The following KHDC4 variants were observed in gnomAD, a reference collection of about 807,000 sequenced individuals.
KHDC4 encodes the protein KH domain containing 4, pre-mRNA splicing factor.
In KHDC4, 19 loss-of-function variants were observed where a neutral mutation model predicts 74.5. The ratio of observed to expected loss-of-function variants is 0.26; its 90% CI spans 0.18 to 0.37. The LOEUF is 0.37. Among genes scored for constraint, KHDC4 ranks in the 10% least tolerant of loss-of-function variants. KHDC4 has a pLI of 1.00. For synonymous variants in KHDC4, 253 were observed against 266.1 expected, an observed-to-expected ratio of 0.95 and a Z score of 0.48; for missense variants, 632 against 754.1, an observed-to-expected ratio of 0.84 and a Z score of 1.90.
intron 1 of KHDC4, among the ~76,000 whole-genome samples, 166 bp from the exon 2 acceptor site, chr1:155,934,015 T>A (rs766217129): frequency 6.6e-6 from 1 of 152,124 alleles, no homozygotes; most frequent in Non-Finnish European, 1.5e-5. Context: ...ATTGCTTATT[T>A]AACAAACCCC....
chr1:155,914,067 A>G lies in KHDC4; in HGVS notation c.*54T>C, dbSNP rs1673680888. 2 of 1,426,924 alleles carry G rather than the reference A, an allele frequency of 1.4e-6. No individual in the cohort carries two copies. The highest frequency in any genetic ancestry group is 2.0e-6 in the Non-Finnish European group (2 of 1,009,604). The allele number at this position is 1,426,924 out of a possible 1,614,324, so 88.4% of individuals were successfully genotyped here. ...CCCAGAGTCTTGTTAAATCAAATGC[A>G]TGCATTATTGCTAAGAAGAGTCACT... is the stretch of plus-strand genomic sequence containing the variant. On this transcript the variant is annotated 3_prime_UTR_variant, in exon 14 of 14. Transcript: ENST00000368321.
In KHDC4 at chr1:155,927,106, T is replaced by A; in HGVS notation, c.515A>T (p.Asp172Val). The change falls in exon 5 of 14, where the codon GAC becomes GTC. Residue 172 changes from aspartate to valine, a missense_variant and splice_region_variant. Transcript: ENST00000368321. ...HVQGQTRELV[D>V]RAVNRIKEII... is the part of the protein sequence containing the mutation. ...CGTGAGCCAAAAACATTACTTACTG[T>A]CCACTAATTCCCGTGTCTGGCCCTG... 6.2e-7 allele frequency: 1 copy of A among 1,613,706 alleles called. No individual in the cohort carries two copies. The highest frequency in any genetic ancestry group is 2.2e-5 in the East Asian group (1 of 44,874).
At position 155,921,934 on chromosome 1, in the gene KHDC4, A is replaced by G; in HGVS notation, c.955-16T>C. 6.4e-7 allele frequency: 1 copy of G among 1,572,908 alleles called. No homozygotes were observed. On this transcript the variant is annotated splice_polypyrimidine_tract_variant and intron_variant, in intron 8 of 13. Coordinates refer to ENST00000368321, the MANE Select transcript of KHDC4 (RefSeq NM_014949.4). ...CAGCATGAACCTGAAAGAGAGGGGG[A>G]AACAAATTAACATGGGACAGCCGAA...
intron 4 of KHDC4, 138 bp from the exon 5 acceptor site, chr1:155,927,294 G>T: frequency 1.6e-6 from 1 of 627,884 alleles, no homozygotes; most frequent in Non-Finnish European, 2.8e-6. Context: ...AAGGGTTTTT[G>T]CTAGCTAATG....
intron 2 of KHDC4, among the ~76,000 whole-genome samples, chr1:155,930,769 T>C (rs763619157): frequency 3.9e-5 from 6 of 152,172 alleles, no homozygotes; most frequent in Non-Finnish European, 7.3e-5. Context: ...AGTAAGATGG[T>C]AAAACCTGAT....
intron 4 of KHDC4, among the ~76,000 whole-genome samples, chr1:155,928,907 A>G (rs571539456): frequency 1.3e-5 from 2 of 150,218 alleles, no homozygotes; most frequent in Admixed American, 6.7e-5. Flanking sequence ...AGCCGAGATC[A>G]CGCCACTGCA....
rs774735259 is a variant in KHDC4 at position 155,934,382 on chromosome 1, C to A, written c.-9G>T. ...GCGCTCCCCGCGGACATGGCGACCGCTTCTACTCAACCACCCGCCAACTAT... is the reference window on the plus strand; with the variant it reads ...GCGCTCCCCGCGGACATGGCGACCGATTCTACTCAACCACCCGCCAACTAT... On this transcript the variant is annotated 5_prime_UTR_variant, in exon 1 of 14. Coordinates refer to ENST00000368321, the MANE Select transcript of KHDC4 (RefSeq NM_014949.4). The A allele has an allele frequency of 1.9e-6, 3 of 1,612,066 alleles. No homozygotes were observed. In the African/African-American group the frequency reaches 4.0e-5, roughly 22 times the overall value.
intron 7 of KHDC4, among the ~76,000 whole-genome samples, chr1:155,924,172 C>T (rs1286901463): frequency 1.3e-5 from 2 of 152,046 alleles, no homozygotes; most frequent in African/African-American, 4.8e-5. Context: ...AAAAAATTAG[C>T]CGGGCATGTT....
chr1:155,923,413 CAA>C (rs921192540), intron 8 of KHDC4, among the ~76,000 whole-genome samples: 1 of 152,162 alleles, frequency 6.6e-6, no homozygotes, highest in Non-Finnish European at 1.5e-5. Context: ...ATTTCTCTCT[CAA>C]AGACTCCAGA....
intron 8 of KHDC4, 93 bp downstream of exon 8, chr1:155,923,534 T>A: frequency 1.1e-6 from 1 of 908,192 alleles, no homozygotes; most frequent in Non-Finnish European, 1.8e-6. Flanking sequence ...GTTATAGCAG[T>A]ACTAGGAAAC....
intron 5 of KHDC4, 125 bp from the exon 6 acceptor site, chr1:155,926,964 C>T: frequency 7.5e-7 from 1 of 1,328,194 alleles, no homozygotes; most frequent in Non-Finnish European, 1.1e-6. Flanking sequence ...CTCCATCCCT[C>T]TAAACTCCCA....
At chr1:155,919,281 T>G (rs1352486870) in intron 10 of KHDC4, among the ~76,000 whole-genome samples, 1 of 152,134 alleles carries the variant, frequency 6.6e-6, no homozygotes, top group Admixed American at 6.6e-5. Flanking sequence ...AACTCCCTGC[T>G]TTTAACCACT....
intron 10 of KHDC4, 136 bp from the exon 11 acceptor site, chr1:155,917,808 T>C: frequency 1.4e-6 from 1 of 740,630 alleles, no homozygotes; most frequent in South Asian, 2.0e-5. Flanking sequence ...GTTTCCTTCA[T>C]GTATAATTTG....
At chr1:155,933,939 T>A in intron 1 of KHDC4, 90 bp from the exon 2 acceptor site, 1 of 1,032,724 alleles carries the variant, frequency 9.7e-7, no homozygotes, top group Non-Finnish European at 1.3e-6. Context: ...ATTTTCCCTC[T>A]ATTATATTCC....
At chr1:155,915,688 G>C in intron 13 of KHDC4, 185 bp downstream of exon 13, 1 of 512,240 alleles carries the variant, frequency 2.0e-6, no homozygotes, top group Non-Finnish European at 3.5e-6. Context: ...TGTATTTTTA[G>C]TAGAGATGGG....
intron 6 of KHDC4, 61 bp downstream of exon 6, chr1:155,926,614 GC>G (rs753236979): frequency 1.3e-6 from 2 of 1,542,218 alleles, no homozygotes; most frequent in Admixed American, 1.7e-5. Context: ...ACTGTGCCTG[GC>G]CAGCACATAT....
intron 7 of KHDC4, 135 bp downstream of exon 7, chr1:155,925,497 A>G (rs1434937614): frequency 2.8e-6 from 2 of 707,294 alleles, no homozygotes; most frequent in Non-Finnish European, 4.8e-6. Context: ...TTATAAAGTA[A>G]TTACTCCTAG....
chr1:155,922,198 T>C (rs979566976), intron 8 of KHDC4, among the ~76,000 whole-genome samples: 1 of 142,142 alleles, frequency 7.0e-6, no homozygotes, highest in Non-Finnish European at 1.5e-5. Flanking sequence ...CAGGGTACAA[T>C]GCAATGGCAT....
intron 10 of KHDC4, among the ~76,000 whole-genome samples, chr1:155,918,732 G>A (rs1673786792): frequency 6.6e-6 from 1 of 152,150 alleles, no homozygotes. Flanking sequence ...CATCATATGT[G>A]CAGTCTATCA....
Sources: gnomAD v4.1 joint callset for allele counts (sites outside exome capture counted in the v4.1 genomes callset) on GRCh38, gnomAD v4.1.1 for gene constraint, MANE v1.5 for transcripts, NCBI Gene and HGNC (gene_info 2026-07-23, HGNC 2026-07-21) for gene names.